The following COLQ variants were observed in gnomAD, a reference collection of about 807,000 sequenced individuals.
The protein encoded by COLQ is acetylcholinesterase collagenic tail peptide.
In COLQ, 48 loss-of-function variants were observed where a neutral mutation model predicts 69.0. That is an observed-to-expected ratio of 0.70 (90% CI 0.55 to 0.88). The LOEUF is 0.88. Among genes scored for constraint, COLQ ranks in the 40% least tolerant of loss-of-function variants. The pLI is 0.00. For synonymous variants in COLQ, 217 were observed against 211.2 expected, an observed-to-expected ratio of 1.03 and a Z score of -0.24; for missense variants, 618 against 594.6, an observed-to-expected ratio of 1.04 and a Z score of -0.41.
intron 15 of COLQ, among the ~76,000 whole-genome samples, chr3:15,455,462 C>T (rs1055695358): frequency 2.6e-5 from 4 of 152,344 alleles, no homozygotes; most frequent in African/African-American, 7.2e-5. Flanking sequence ...CCAGTTTCCC[C>T]TACGGAGGGC....
intron 1 of COLQ, among the ~76,000 whole-genome samples, chr3:15,492,156 A>T (rs1246114208): frequency 6.6e-6 from 1 of 152,196 alleles, no homozygotes; most frequent in African/African-American, 2.4e-5. Flanking sequence ...CTGTGGTTTG[A>T]TGCTCACACT....
intron 12 of COLQ, among the ~76,000 whole-genome samples, chr3:15,465,610 CTTTTTTTTT>C (rs71045163): frequency 1.1e-5 from 1 of 94,750 alleles, no homozygotes; most frequent in Non-Finnish European, 1.9e-5. Context: ...CTTTCTACAT[CTTTTTTTTT>C]TTTTTTTTTT....
chr3:15,489,961 A>G (rs2125140043), intron 1 of COLQ, among the ~76,000 whole-genome samples: 1 of 152,372 alleles, frequency 6.6e-6, no homozygotes, highest in South Asian at 2.1e-4. Context: ...AGATTTCATC[A>G]TATGCCCCCA....
chr3:15,487,742 G>C (rs905364959), intron 3 of COLQ, among the ~76,000 whole-genome samples: 1 of 152,178 alleles, frequency 6.6e-6, no homozygotes, highest in African/African-American at 2.4e-5. Flanking sequence ...AGCTTTGGTG[G>C]GGAGGGGTGG....
chr3:15,482,225 C>T (rs150918602), intron 3 of COLQ, among the ~76,000 whole-genome samples: 1,784 of 152,284 alleles, frequency 0.012, 31 homozygotes, highest in African/African-American at 0.039. Context: ...TGCCTGATTG[C>T]CCTGGCCAGA....
intron 10 of COLQ, among the ~76,000 whole-genome samples, chr3:15,471,299 T>G (rs1042456042): frequency 5.3e-5 from 8 of 152,218 alleles, no homozygotes; most frequent in African/African-American, 9.6e-5. Flanking sequence ...GAAACAATAT[T>G]CCTGTTTGTA....
chr3:15,478,229 A>T (rs2062415188), intron 5 of COLQ, among the ~76,000 whole-genome samples: 1 of 152,202 alleles, frequency 6.6e-6, no homozygotes, highest in African/African-American at 2.4e-5. Context: ...TGCCTTGGCT[A>T]TAGTTTTCAT....
chr3:15,502,351 A>G (rs1055627619), intron 1 of COLQ, among the ~76,000 whole-genome samples: 2 of 152,042 alleles, frequency 1.3e-5, no homozygotes, highest in African/African-American at 2.4e-5. Context: ...TCCTGACCTC[A>G]GGTGATCCAC....
intron 4 of COLQ, 103 bp downstream of exon 4, chr3:15,479,235 G>A: frequency 7.7e-7 from 1 of 1,300,652 alleles, no homozygotes; most frequent in Non-Finnish European, 1.1e-6. Flanking sequence ...GGCAGAGTTA[G>A]CACATGTTTG....
rs2062025890 is a variant in COLQ, at chr3:15,456,423, G to A, written c.1074+37C>T. On this transcript the variant is annotated intron_variant, in intron 14 of 16. Transcript: ENST00000383788. ...TTTAATGGATGCATCTCTCTCCTGG[G>A]CAGGGAGTATGTCCTGAGGTAATGG... The A allele has an allele frequency of 3.1e-6, 5 of 1,612,596 alleles. No homozygotes were observed. The South Asian group carries it at 4.4e-5, about 14-fold the overall frequency.
intron 15 of COLQ, among the ~76,000 whole-genome samples, chr3:15,454,621 C>T (rs546350997): frequency 1.3e-3 from 191 of 151,204 alleles, no homozygotes; most frequent in Admixed American, 2.0e-3. Flanking sequence ...TCCCGCCACC[C>T]ACTCTGCCCT....
At chr3:15,476,168 A>T (rs533235320) in intron 6 of COLQ, among the ~76,000 whole-genome samples, 1 of 152,248 alleles carries the variant, frequency 6.6e-6, no homozygotes, top group Non-Finnish European at 1.5e-5. Context: ...TGTAATTTAC[A>T]TTTACACATC....
intron 1 of COLQ, among the ~76,000 whole-genome samples, chr3:15,511,646 A>T (rs1464525221): frequency 6.6e-6 from 1 of 152,152 alleles, no homozygotes; most frequent in Non-Finnish European, 1.5e-5. Flanking sequence ...ACCTTGCTCC[A>T]CGCAGCTCTC....
Position 15,452,178 on chromosome 3 carries a change from T to C in COLQ, c.1299-465A>G, listed in dbSNP as rs370959469. Reference sequence around the variant, plus strand: ...GCCTCCCAGGTTCAAGCGATTGTCCTGCCTCAGCTTCCTGAGTACCTGGGA... The same window carrying C: ...GCCTCCCAGGTTCAAGCGATTGTCCCGCCTCAGCTTCCTGAGTACCTGGGA... On this transcript the variant is annotated intron_variant, in intron 16 of 16. Transcript: ENST00000383788. 3.3e-5 allele frequency among the ~76,000 whole-genome samples: 5 copies of C among 151,972 alleles called. No individual in the cohort carries two copies. The East Asian group carries it at 5.8e-4, about 18-fold the overall frequency.
chr3:15,477,377 T>A (rs1240428380), intron 5 of COLQ, 180 bp from the exon 6 acceptor site: 2 of 619,052 alleles, frequency 3.2e-6, no homozygotes, highest in Non-Finnish European at 5.8e-6. Flanking sequence ...CACTGTATCA[T>A]CAAATAAGAC....
intron 1 of COLQ, among the ~76,000 whole-genome samples, chr3:15,504,443 C>A (rs530094520): frequency 6.6e-6 from 1 of 152,208 alleles, no homozygotes; most frequent in Non-Finnish European, 1.5e-5. Context: ...ACACATCCTT[C>A]GTGTCTCTTT....
intron 6 of COLQ, among the ~76,000 whole-genome samples, chr3:15,475,843 T>C (rs1380368449): frequency 6.6e-6 from 1 of 152,104 alleles, no homozygotes; most frequent in Non-Finnish European, 1.5e-5. Context: ...AAGGTGTCAA[T>C]ACACGCAAAA....
chr3:15,476,815 C>T (rs1378702248), intron 6 of COLQ, among the ~76,000 whole-genome samples: 2 of 152,196 alleles, frequency 1.3e-5, no homozygotes, highest in East Asian at 3.8e-4. Context: ...GCAAGCCCCT[C>T]TTAGGTCATC....
At chr3:15,493,444 C>A (rs141621870) in intron 1 of COLQ, among the ~76,000 whole-genome samples, 1 of 152,366 alleles carries the variant, frequency 6.6e-6, no homozygotes, top group Non-Finnish European at 1.5e-5. Context: ...ATCCCCTGTC[C>A]CCCATCTCCC....
Sources: allele counts gnomAD v4.1 joint callset (sites outside exome capture counted in the v4.1 genomes callset), GRCh38; gene constraint gnomAD v4.1.1; transcripts MANE v1.5; gene names NCBI Gene and HGNC (gene_info 2026-07-23, HGNC 2026-07-21).